Variants in TLK1 observed in about 807,000 individuals in gnomAD.
The protein encoded by TLK1 is serine/threonine-protein kinase tousled-like 1.
In TLK1, 24 loss-of-function variants were observed where a neutral mutation model predicts 105.3. The observed-to-expected ratio is 0.23, with a 90% CI of 0.17 to 0.32. The LOEUF is 0.32. TLK1 is among the 10% of genes least tolerant of loss of function. The probability of loss-of-function intolerance (pLI) is 1.00; values close to 1 mark genes in which losing one functional copy is unlikely to be tolerated. For synonymous variants in TLK1, 321 were observed against 310.4 expected, an observed-to-expected ratio of 1.03 and a Z score of -0.36; for missense variants, 558 against 910.5, an observed-to-expected ratio of 0.61 and a Z score of 4.98.
chr2:171,173,399 C>T (rs1489106160), intron 1 of TLK1, among the ~76,000 whole-genome samples: 1 of 151,814 alleles, frequency 6.6e-6, no homozygotes, highest in Non-Finnish European at 1.5e-5. Context: ...GGTGTCATCA[C>T]ATCTCAGTGC....
At chr2:171,201,923 AT>A (rs1477099496) in intron 1 of TLK1, among the ~76,000 whole-genome samples, 5 of 151,964 alleles carry the variant, frequency 3.3e-5, no homozygotes, top group Non-Finnish European at 5.9e-5. Context: ...CTATCTATCT[AT>A]CTATCTATCT....
At chr2:171,143,210 C>T (rs1691655334) in intron 1 of TLK1, among the ~76,000 whole-genome samples, 1 of 152,116 alleles carries the variant, frequency 6.6e-6, no homozygotes, top group Non-Finnish European at 1.5e-5. Flanking sequence ...AAGGTTAGTA[C>T]AAAAACTATA....
chr2:171,000,376 CAAAAAAA>C (rs34800888), intron 18 of TLK1, among the ~76,000 whole-genome samples: 14 of 78,382 alleles, frequency 1.8e-4, no homozygotes, highest in African/African-American at 4.4e-4. Context: ...GAAACTCTGT[CAAAAAAA>C]AAAAAAAAAA....
At chr2:171,082,750 A>T in intron 3 of TLK1, 31 bp downstream of exon 3, 1 of 1,498,010 alleles carries the variant, frequency 6.7e-7, no homozygotes, top group Non-Finnish European at 9.2e-7. Context: ...TTTTACTTTA[A>T]TAGCACCATA....
rs929348302 is a variant in TLK1, at chr2:170,992,623, T to A, written c.*1157A>T. ...CAGCCCTAGAACCCAATAAACTGAT[T>A]TAAAAACTCAATTATGTCCAACATG... On this transcript the variant is annotated 3_prime_UTR_variant, in exon 21 of 21. Transcript: ENST00000431350. 2 of 152,544 alleles carry A rather than the reference T, an allele frequency of 1.3e-5. No homozygotes were observed. Among genetic ancestry groups the A allele is most frequent in the Admixed American group, 6.5e-5 (1 of 15,276 alleles). 9.4% of individuals were successfully genotyped at this position (152,544 alleles called of 1,614,324 possible). A position where few individuals can be genotyped will look rare whatever the true frequency, so the allele number is the denominator to read the frequency against.
intron 12 of TLK1, among the ~76,000 whole-genome samples, chr2:171,017,857 G>T (rs1685283221): frequency 6.6e-6 from 1 of 152,172 alleles, no homozygotes; most frequent in South Asian, 2.1e-4. Context: ...GTCTTAAATA[G>T]ATAGATATAA....
intron 16 of TLK1, 54 bp downstream of exon 16, chr2:171,006,745 GA>G: frequency 6.3e-7 from 1 of 1,591,238 alleles, no homozygotes; most frequent in Non-Finnish European, 8.6e-7. Flanking sequence ...ACAGGATGGG[GA>G]AAGAGAAAGC....
chr2:171,119,760 G>A (rs1690577643), intron 1 of TLK1, among the ~76,000 whole-genome samples: 1 of 152,122 alleles, frequency 6.6e-6, no homozygotes, highest in Non-Finnish European at 1.5e-5. Context: ...GGGAAAACTG[G>A]ATATCCACAT....
intron 18 of TLK1, among the ~76,000 whole-genome samples, chr2:171,001,610 T>G (rs931879529): frequency 1.3e-5 from 2 of 152,276 alleles, no homozygotes; most frequent in East Asian, 3.9e-4. Context: ...CATAAAACAG[T>G]AGAGTTACCC....
intron 3 of TLK1, among the ~76,000 whole-genome samples, chr2:171,064,293 T>G (rs1288326153): frequency 6.6e-6 from 1 of 152,108 alleles, no homozygotes; most frequent in Non-Finnish European, 1.5e-5. Context: ...CAGAGACATA[T>G]CCTATGTTAC....
chr2:171,139,661 A>ACT (rs1691486332), intron 1 of TLK1, among the ~76,000 whole-genome samples: 1 of 152,126 alleles, frequency 6.6e-6, no homozygotes, highest in Non-Finnish European at 1.5e-5. Flanking sequence ...CAAAGGCAAA[A>ACT]ATAGTTCTGC....
At chr2:171,217,106 G>A (rs1179914989) in intron 1 of TLK1, among the ~76,000 whole-genome samples, 1 of 152,164 alleles carries the variant, frequency 6.6e-6, no homozygotes, top group Non-Finnish European at 1.5e-5. Flanking sequence ...CAGTGCCACA[G>A]AACAGGAGTC....
At chr2:171,140,395 A>C (rs1004470508) in intron 1 of TLK1, among the ~76,000 whole-genome samples, 1 of 152,194 alleles carries the variant, frequency 6.6e-6, no homozygotes, top group African/African-American at 2.4e-5. Context: ...AGTTCCCAGA[A>C]GTGAGTCTGG....
intron 1 of TLK1, among the ~76,000 whole-genome samples, chr2:171,182,550 T>C (rs1269066061): frequency 6.6e-6 from 1 of 152,070 alleles, no homozygotes; most frequent in Non-Finnish European, 1.5e-5. Context: ...TGAAGAACTA[T>C]TTCAGGGTGG....
chr2:171,051,298 TTAA>T (rs1299737898), intron 8 of TLK1, among the ~76,000 whole-genome samples: 1 of 152,148 alleles, frequency 6.6e-6, no homozygotes, highest in Non-Finnish European at 1.5e-5. Flanking sequence ...TCCTCCTTCC[TTAA>T]TAATGGAAAT....
At chr2:171,158,319 G>A (rs961613685) in intron 1 of TLK1, among the ~76,000 whole-genome samples, 1 of 151,884 alleles carries the variant, frequency 6.6e-6, no homozygotes, top group African/African-American at 2.4e-5. Context: ...ACTACTTTAG[G>A]TTACATAAAA....
intron 1 of TLK1, among the ~76,000 whole-genome samples, chr2:171,137,855 A>C (rs1691395049): frequency 6.6e-6 from 1 of 151,742 alleles, no homozygotes; most frequent in African/African-American, 2.4e-5. Context: ...TCTCAAAAAA[A>C]AATAAAATAA....
At chr2:171,142,667 T>C (rs1457398369) in intron 1 of TLK1, among the ~76,000 whole-genome samples, 1 of 152,224 alleles carries the variant, frequency 6.6e-6, no homozygotes, top group Non-Finnish European at 1.5e-5. Context: ...GTTATAATCA[T>C]TTGGGGATAT....
intron 11 of TLK1, among the ~76,000 whole-genome samples, chr2:171,035,680 G>T (rs1686295192): frequency 6.6e-6 from 1 of 152,180 alleles, no homozygotes; most frequent in African/African-American, 2.4e-5. Context: ...GTGAAATTAA[G>T]GTTGCTTATC....
Sources: gnomAD v4.1 joint callset for allele counts (sites outside exome capture counted in the v4.1 genomes callset) on GRCh38, gnomAD v4.1.1 for gene constraint, MANE v1.5 for transcripts, NCBI Gene and HGNC (gene_info 2026-07-23, HGNC 2026-07-21) for gene names.